BARD1: variants seen among roughly 807,000 people sequenced by gnomAD.
BARD1 encodes the protein BRCA1-associated RING domain protein 1.
BARD1 carries 73 observed loss-of-function variants against 77.0 expected under a neutral mutation model. The observed-to-expected ratio is 0.95, with a 90% CI of 0.79 to 1.15. The LOEUF (loss-of-function observed/expected upper bound fraction) is 1.15, where lower values mean the gene tolerates loss of function less well. Among genes scored for constraint, BARD1 ranks in the 50% most tolerant of loss-of-function variants. The pLI is 0.00. For synonymous variants in BARD1, 384 were observed against 338.0 expected, an observed-to-expected ratio of 1.14 and a Z score of -1.49; for missense variants, 993 against 938.8, an observed-to-expected ratio of 1.06 and a Z score of -0.75.
intron 6 of BARD1, among the ~76,000 whole-genome samples, chr2:214,756,420 A>C (rs1693696395): frequency 6.6e-6 from 1 of 152,214 alleles, no homozygotes; most frequent in Admixed American, 6.5e-5. Context: ...AAAACAGTGG[A>C]GATTCCTTAA....
chr2:214,735,485 AGTAAGAAAACTC>A (rs1414086013), intron 9 of BARD1, among the ~76,000 whole-genome samples: 1 of 152,168 alleles, frequency 6.6e-6, no homozygotes, highest in Non-Finnish European at 1.5e-5. Flanking sequence ...AATTTTAGCA[AGTAAGAAAACTC>A]ACAAACACAG....
intron 9 of BARD1, chr2:214,731,068 T>A (rs559735366): frequency 1.6e-5 from 5 of 304,872 alleles, no homozygotes; most frequent in Admixed American, 3.5e-5. Context: ...GAGCTTGGGA[T>A]AGGTTTGGCA....
chr2:214,778,770 C>T (rs1037495944), intron 4 of BARD1, among the ~76,000 whole-genome samples: 3 of 152,146 alleles, frequency 2.0e-5, no homozygotes, highest in Non-Finnish European at 4.4e-5. Flanking sequence ...TTTACTCTAA[C>T]TGCACCTTTA....
intron 4 of BARD1, among the ~76,000 whole-genome samples, chr2:214,775,066 C>G (rs1343083526): frequency 6.6e-6 from 1 of 152,176 alleles, no homozygotes; most frequent in East Asian, 1.9e-4. Context: ...CAACTCTCCT[C>G]ATATCGGCAG....
intron 1 of BARD1, among the ~76,000 whole-genome samples, chr2:214,807,317 T>C (rs16852802): frequency 0.077 from 11,690 of 152,196 alleles, 529 homozygotes; most frequent in African/African-American, 0.13. Context: ...TACACTCCGT[T>C]GCCTCTTACT....
intron 10 of BARD1, among the ~76,000 whole-genome samples, chr2:214,730,056 C>T (rs985202114): frequency 5.3e-5 from 8 of 152,112 alleles, no homozygotes; most frequent in South Asian, 2.1e-4. Flanking sequence ...CAGGATAATG[C>T]GATATTATCC....
intron 3 of BARD1, among the ~76,000 whole-genome samples, chr2:214,781,997 A>G (rs1030294961): frequency 1.3e-5 from 2 of 152,182 alleles, no homozygotes; most frequent in Non-Finnish European, 2.9e-5. Flanking sequence ...CAATTATAAA[A>G]TTTACACGGA....
At chr2:214,740,296 G>C (rs1574726539) in intron 9 of BARD1, among the ~76,000 whole-genome samples, 1 of 151,996 alleles carries the variant, frequency 6.6e-6, no homozygotes, top group African/African-American at 2.4e-5. Flanking sequence ...AATACATGCA[G>C]GTTCTAATTT....
In BARD1 at chr2:214,807,215, T is replaced by C; in HGVS notation, c.158+2197A>G. Among the ~76,000 whole-genome samples, 2 of 145,838 alleles carry C rather than the reference T, an allele frequency of 1.4e-5. 1 individual carries two copies. The highest frequency in any genetic ancestry group is 4.3e-4 in the South Asian group (2 of 4,612). ...TCAGTTCATCTATAGAGGTTCGGAT[T>C]AAAAAAAAAAAAATCAATAGCATTC... On this transcript the variant is annotated intron_variant, in intron 1 of 10. Coordinates refer to ENST00000260947, the MANE Select transcript of BARD1 (RefSeq NM_000465.4).
intron 9 of BARD1, among the ~76,000 whole-genome samples, chr2:214,736,911 A>G (rs922297757): frequency 6.6e-6 from 1 of 152,314 alleles, no homozygotes; most frequent in African/African-American, 2.4e-5. Context: ...TACTCCAAGC[A>G]ACAATTTGCA....
intron 1 of BARD1, 100 bp downstream of exon 1, chr2:214,809,312 G>A (rs887322444): frequency 6.6e-6 from 10 of 1,526,520 alleles, no homozygotes; most frequent in Middle Eastern, 1.7e-4. Context: ...TGCAGCGCGG[G>A]AACGGAAGGA....
At chr2:214,755,531 A>G (rs908182604) in intron 6 of BARD1, among the ~76,000 whole-genome samples, 1 of 152,200 alleles carries the variant, frequency 6.6e-6, no homozygotes, top group Non-Finnish European at 1.5e-5. Flanking sequence ...TCAAACTGAT[A>G]AAGTATAAAC....
chr2:214,735,293 A>G (rs1471706111), intron 9 of BARD1, among the ~76,000 whole-genome samples: 1 of 152,176 alleles, frequency 6.6e-6, no homozygotes, highest in Non-Finnish European at 1.5e-5. Context: ...AATGCAAAAA[A>G]CATGGCATCA....
intron 3 of BARD1, among the ~76,000 whole-genome samples, chr2:214,788,096 A>C (rs1695352993): frequency 6.6e-6 from 1 of 152,040 alleles, no homozygotes. Flanking sequence ...TATATGAAAC[A>C]CTATGTAATC....
intron 9 of BARD1, among the ~76,000 whole-genome samples, chr2:214,736,606 C>T (rs1692576689): frequency 6.6e-6 from 1 of 152,050 alleles, no homozygotes; most frequent in South Asian, 2.1e-4. Context: ...TGATTATTTA[C>T]AAGAAACACA....
In BARD1 at chr2:214,781,332, T is replaced by C. The variant is rs878854013; in HGVS notation, c.542A>G (p.Glu181Gly). ...KDASAQQDSYEFVSPSPPADV... is the reference protein window; with the variant it reads ...KDASAQQDSYGFVSPSPPADV... ...TGCAGGAGGACTTGGGGAAACAAAT[T>C]CATATGAGTCTTGCTGAGCACTTGC... Residue 181 changes from glutamate to glycine, a missense_variant, in exon 4 of 11, where the codon GAA becomes GGA. By Grantham distance (98) the Glu-to-Gly change is moderately conservative (BLOSUM62 -2). Coordinates refer to ENST00000260947, the MANE Select transcript of BARD1 (RefSeq NM_000465.4). 1 of 1,613,136 alleles carries C rather than the reference T, an allele frequency of 6.2e-7. No individual in the cohort carries two copies. Among genetic ancestry groups the C allele is most frequent in the Non-Finnish European group, 8.5e-7 (1 of 1,179,844 alleles).
Position 214,727,820 on chromosome 2 carries a change from A to C in BARD1, c.*856T>G, listed in dbSNP as rs1692144898. ...TATTTTACAAATACCAACAAGGTTT[A>C]CCAGAAGAAGACTGCTTCTTAATTT... On this transcript the variant is annotated 3_prime_UTR_variant, in exon 11 of 11. Transcript: ENST00000260947. The C allele has an allele frequency of 4.5e-6, 1 of 223,674 alleles. No individual in the cohort carries two copies. Among genetic ancestry groups the C allele is most frequent in the Admixed American group, 5.7e-5 (1 of 17,442 alleles). The allele number at this position is 223,674 out of a possible 1,614,324, so 13.9% of individuals were successfully genotyped here.
In BARD1 at chr2:214,730,303, T is replaced by C; in HGVS notation, c.2001+108A>G. On this transcript the variant is annotated intron_variant, in intron 10 of 10. Coordinates refer to ENST00000260947, the MANE Select transcript of BARD1 (RefSeq NM_000465.4). ...GTGCTTGAAATAAGCACAATTAAAA[T>C]TTTAATCAGTCACCTGTAGCTGTTG... is the stretch of plus-strand genomic sequence containing the variant. 4 of 937,872 alleles carry C rather than the reference T, an allele frequency of 4.3e-6. 1 individual carries two copies. The highest frequency in any genetic ancestry group is 2.8e-5 in the South Asian group (2 of 71,958). 58.1% of individuals were successfully genotyped at this position (937,872 alleles called of 1,614,324 possible).
chr2:214,734,126 G>A (rs1351825471), intron 9 of BARD1, among the ~76,000 whole-genome samples: 1 of 152,012 alleles, frequency 6.6e-6, no homozygotes, highest in Admixed American at 6.6e-5. Flanking sequence ...TAAAATGTTT[G>A]AATGCAAAGT....
Sources: allele counts gnomAD v4.1 joint callset (sites outside exome capture counted in the v4.1 genomes callset), GRCh38; gene constraint gnomAD v4.1.1; transcripts MANE v1.5; gene names NCBI Gene and HGNC (gene_info 2026-07-23, HGNC 2026-07-21).